Variants in KIAA0319 observed in about 807,000 individuals in gnomAD.
The protein encoded by KIAA0319 is dyslexia-associated protein KIAA0319.
In KIAA0319, 83 loss-of-function variants were observed where a neutral mutation model predicts 108.4. The observed-to-expected ratio is 0.77, with a 90% confidence interval of 0.64 to 0.92. The LOEUF (loss-of-function observed/expected upper bound fraction) is 0.92, where lower values mean the gene tolerates loss of function less well. Ranked by LOEUF, KIAA0319 falls within the 40% of genes least tolerant of loss-of-function variation. KIAA0319 has a pLI of 0.00. For synonymous variants in KIAA0319, 484 were observed against 510.4 expected, an observed-to-expected ratio of 0.95 and a Z score of 0.70; for missense variants, 1,195 against 1,322.4, an observed-to-expected ratio of 0.90 and a Z score of 1.49.
intron 10 of KIAA0319, among the ~76,000 whole-genome samples, chr6:24,573,771 T>G (rs992804744): frequency 6.6e-6 from 1 of 152,194 alleles, no homozygotes; most frequent in Non-Finnish European, 1.5e-5. Context: ...GCTTTTTTAT[T>G]ATTATTTTTT....
At chr6:24,613,416 C>CT (rs1313272805) in intron 1 of KIAA0319, among the ~76,000 whole-genome samples, 1 of 151,976 alleles carries the variant, frequency 6.6e-6, no homozygotes, top group African/African-American at 2.4e-5. Context: ...TCTGGCAACT[C>CT]TAACTATGAG....
At chr6:24,624,714 A>G (rs1057309951) in intron 1 of KIAA0319, among the ~76,000 whole-genome samples, 1 of 152,190 alleles carries the variant, frequency 6.6e-6, no homozygotes, top group African/African-American at 2.4e-5. Flanking sequence ...ACATTTCTCA[A>G]CATCCCTGTA....
intron 18 of KIAA0319, 22 bp downstream of exon 18, chr6:24,556,585 C>T (rs753133656): frequency 1.2e-6 from 2 of 1,609,502 alleles, no homozygotes. Flanking sequence ...TCACCCAAAG[C>T]CTCCTCTATA....
At chr6:24,570,308 G>A (rs556479451) in intron 11 of KIAA0319, among the ~76,000 whole-genome samples, 6 of 152,256 alleles carry the variant, frequency 3.9e-5, no homozygotes, top group South Asian at 2.1e-4. Context: ...ATCCTCAGTC[G>A]GCCGGGCACA....
chr6:24,596,696 G>C (rs1446835471), intron 2 of KIAA0319, 78 bp from the exon 3 acceptor site: 1 of 1,376,688 alleles, frequency 7.3e-7, no homozygotes, highest in East Asian at 2.3e-5. Flanking sequence ...ACCAGGAAAA[G>C]GGAGTCTTCT....
At chr6:24,591,310 G>A (rs941558964) in intron 3 of KIAA0319, among the ~76,000 whole-genome samples, 2 of 152,146 alleles carry the variant, frequency 1.3e-5, no homozygotes, top group Non-Finnish European at 2.9e-5. Flanking sequence ...ACTGTCTTCC[G>A]AAGCAGCTAC....
Position 24,596,242 on chromosome 6 carries a change from T to G in KIAA0319, c.432A>C (p.Leu144=). 1 of 1,614,192 alleles carries G rather than the reference T, an allele frequency of 6.2e-7. No individual in the cohort carries two copies. Among genetic ancestry groups the G allele is most frequent in the Non-Finnish European group, 8.5e-7 (1 of 1,180,046 alleles). ...PEDIRKDLTF[L]GKDWGLEEMS... ...TCTCCTCTAGGCCCCAATCTTTGCCTAGAAAGGTCAAGTCCTTTCTGATAT... is the reference window on the plus strand; with the variant it reads ...TCTCCTCTAGGCCCCAATCTTTGCCGAGAAAGGTCAAGTCCTTTCTGATAT... Residue 144 remains leucine (L), a synonymous_variant, in exon 3 of 21, where the codon CTA becomes CTC. Coordinates refer to ENST00000378214, the MANE Select transcript of KIAA0319 (RefSeq NM_014809.4).
Position 24,595,895 on chromosome 6 carries a change from G to A in KIAA0319, c.779C>T (p.Ser260Phe). The A allele has an allele frequency of 1.2e-6, 2 of 1,607,432 alleles. No homozygotes were observed. Among genetic ancestry groups the A allele is most frequent in the Non-Finnish European group, 1.7e-6 (2 of 1,176,528 alleles). ...CACCTCTTTTCCAGAGCTGTTGCTG[G>A]ATTGTTCCTGGAGCTGAGAAGCCTT... ...KEKASQLQEQ[S>F]SNSSGKEVLM... is the part of the protein sequence containing the mutation. Residue 260 changes from serine (S) to phenylalanine (F), a missense_variant, in exon 3 of 21, where the codon TCC becomes TTC. Transcript: ENST00000378214.
intron 1 of KIAA0319, among the ~76,000 whole-genome samples, chr6:24,618,697 A>C (rs770760050): frequency 6.6e-6 from 1 of 152,084 alleles, no homozygotes; most frequent in Non-Finnish European, 1.5e-5. Context: ...AACAGAAAAG[A>C]AAGACAAGAG....
At chr6:24,579,412 G>GATTATATATATATATATATATATATAT (rs1766042061) in intron 8 of KIAA0319, among the ~76,000 whole-genome samples, 2 of 127,244 alleles carry the variant, frequency 1.6e-5, no homozygotes, top group African/African-American at 6.4e-5. Flanking sequence ...TCTATATAAA[G>GATTATATATATATATATATATATATAT]ATATATATAT....
chr6:24,577,549 G>A (rs1765724302), intron 9 of KIAA0319, among the ~76,000 whole-genome samples: 1 of 152,184 alleles, frequency 6.6e-6, no homozygotes, highest in Non-Finnish European at 1.5e-5. Flanking sequence ...AAAGATGGTG[G>A]TGGGAGCAGT....
intron 20 of KIAA0319, 100 bp downstream of exon 20, chr6:24,551,334 A>G: frequency 1.3e-6 from 1 of 799,000 alleles, no homozygotes; most frequent in South Asian, 1.5e-5. Flanking sequence ...TAAAGTGCTG[A>G]CTCCAGCAAA....
rs1381158284 is a variant in KIAA0319 at position 24,572,567 on chromosome 6, C to T, written c.1858+8G>A. ...CTCTGAGGCCAAATCTCTTTCTCCTCCACCTACCAGGCTGGACAATCACAG... is the reference window on the plus strand; with the variant it reads ...CTCTGAGGCCAAATCTCTTTCTCCTTCACCTACCAGGCTGGACAATCACAG... On this transcript the variant is annotated splice_region_variant and intron_variant, in intron 11 of 20. Transcript: ENST00000378214. 4 of 1,609,032 alleles carry T rather than the reference C, an allele frequency of 2.5e-6. No individual in the cohort carries two copies. The highest frequency in any genetic ancestry group is 1.7e-5 in the Admixed American group (1 of 58,642).
At chr6:24,620,012 C>A (rs916561479) in intron 1 of KIAA0319, among the ~76,000 whole-genome samples, 1 of 152,156 alleles carries the variant, frequency 6.6e-6, no homozygotes, top group Non-Finnish European at 1.5e-5. Context: ...GGCCTAAAAT[C>A]CTGTTTTGTG....
intron 3 of KIAA0319, among the ~76,000 whole-genome samples, chr6:24,591,212 T>C (rs1428840528): frequency 6.6e-6 from 1 of 152,204 alleles, no homozygotes; most frequent in Non-Finnish European, 1.5e-5. Flanking sequence ...TATATGGACA[T>C]GTTTTCTTTC....
intron 1 of KIAA0319, among the ~76,000 whole-genome samples, chr6:24,635,365 A>T (rs1466778827): frequency 6.6e-6 from 1 of 152,122 alleles, no homozygotes; most frequent in Non-Finnish European, 1.5e-5. Flanking sequence ...TGGCCTCCCA[A>T]AGTGCTGGGA....
In KIAA0319 at chr6:24,578,155, G is replaced by A; in HGVS notation, c.1460C>T (p.Pro487Leu). 2.5e-6 allele frequency: 4 copies of A among 1,613,524 alleles called. No individual in the cohort carries two copies. The highest frequency in any genetic ancestry group is 3.4e-6 in the Non-Finnish European group (4 of 1,179,662). Residue 487 changes from proline (P) to leucine (L), a missense_variant, in exon 9 of 21, where the codon CCC becomes CTC. Pro to Leu is a moderately conservative substitution (Grantham distance 98, BLOSUM62 -3). Transcript: ENST00000378214. ...ATCAAGGTTAGACAAGCGTAAGACG[G>A]GAGAGTCAACTGAAGTCTTCTCTTC... ...FIEEKTSVDS[P>L]VLRLSNLDPG...
intron 1 of KIAA0319, among the ~76,000 whole-genome samples, chr6:24,608,431 C>G (rs1466587084): frequency 1.3e-5 from 2 of 151,426 alleles, no homozygotes; most frequent in East Asian, 3.9e-4. Flanking sequence ...TTTTAAAGTG[C>G]ACATGGGAAA....
rs368558061 is a variant in KIAA0319, at chr6:24,614,207, T to C, written c.-105-12999A>G. ...GAGCCAGCCTTAGCAATTCCTGACA[T>C]ATGCCAGGACAGACGCCTTGGGAGA... On this transcript the variant is annotated intron_variant, in intron 1 of 20. Transcript: ENST00000378214. Among the ~76,000 whole-genome samples the C allele has an allele frequency of 3.9e-5, 6 of 152,286 alleles. No homozygotes were observed. In the South Asian group the frequency reaches 6.2e-4, roughly 16 times the overall value.
Sources: gnomAD v4.1 joint callset for allele counts (sites outside exome capture counted in the v4.1 genomes callset) on GRCh38, gnomAD v4.1.1 for gene constraint, MANE v1.5 for transcripts, NCBI Gene and HGNC (gene_info 2026-07-23, HGNC 2026-07-21) for gene names.